RBFOX1: variants seen among roughly 807,000 people sequenced by gnomAD.
The protein encoded by RBFOX1 is RNA binding protein fox-1 homolog 1.
Under a neutral mutation model 57.7 loss-of-function variants are expected in RBFOX1, and 8 were observed. The observed-to-expected ratio is 0.14, with a 90% CI of 0.08 to 0.25. The LOEUF is 0.25. RBFOX1 is among the 10% of genes least tolerant of loss of function. The pLI, the probability that RBFOX1 is intolerant of heterozygous loss-of-function variation, is 1.00. For missense variants in RBFOX1, 611 were observed against 548.5 expected, an observed-to-expected ratio of 1.11 and a Z score of -1.14; for synonymous variants, 326 against 222.4, an observed-to-expected ratio of 1.47 and a Z score of -4.15.
chr16:6,020,775 C>T (rs1232384995), intron 1 of RBFOX1, among the ~76,000 whole-genome samples: 1 of 152,056 alleles, frequency 6.6e-6, no homozygotes, highest in African/African-American at 2.4e-5. Context: ...GGCGCCGCTC[C>T]CATCTCCCCA....
intron 3 of RBFOX1, among the ~76,000 whole-genome samples, chr16:6,865,139 A>G (rs975420419): frequency 6.0e-5 from 9 of 151,022 alleles, no homozygotes; most frequent in African/African-American, 2.0e-4. Flanking sequence ...AGTAGCTGGG[A>G]TTACAGGTGC....
chr16:6,130,597 A>G (rs967699674), intron 1 of RBFOX1, among the ~76,000 whole-genome samples: 9 of 152,138 alleles, frequency 5.9e-5, no homozygotes, highest in Admixed American at 6.5e-5. Context: ...GACTATAATA[A>G]AAAGCAAGAA....
At chr16:5,849,427 T>A (rs1384547214) in intron 3 of RBFOX1, among the ~76,000 whole-genome samples, 1 of 152,084 alleles carries the variant, frequency 6.6e-6, no homozygotes, top group Non-Finnish European at 1.5e-5. Flanking sequence ...CTGATGCATT[T>A]GCTACAATCC....
chr16:5,962,203 A>T (rs548589675), intron 4 of RBFOX1, among the ~76,000 whole-genome samples: 3 of 152,206 alleles, frequency 2.0e-5, no homozygotes, highest in Non-Finnish European at 4.4e-5. Context: ...AAACATAGTC[A>T]CATTCACTCT....
intron 4 of RBFOX1, among the ~76,000 whole-genome samples, chr16:7,459,115 C>T (rs1413389158): frequency 6.6e-6 from 1 of 151,674 alleles, no homozygotes; most frequent in Non-Finnish European, 1.5e-5. Flanking sequence ...ATGGATGTAA[C>T]AGTTGGGTGG....
At chr16:7,068,200 C>T (rs1233810628) in intron 4 of RBFOX1, among the ~76,000 whole-genome samples, 1 of 152,040 alleles carries the variant, frequency 6.6e-6, no homozygotes, top group East Asian at 1.9e-4. Flanking sequence ...TTGCCATGTA[C>T]CATAGCATAC....
intron 1 of RBFOX1, among the ~76,000 whole-genome samples, chr16:6,225,003 G>C (rs964071371): frequency 1.0e-3 from 104 of 101,206 alleles, no homozygotes; most frequent in Middle Eastern, 0.011. Context: ...TGGGCAACAA[G>C]AGCAAAACTC....
At chr16:6,794,171 C>G (rs905492820) in intron 3 of RBFOX1, among the ~76,000 whole-genome samples, 3 of 152,146 alleles carry the variant, frequency 2.0e-5, no homozygotes, top group Middle Eastern at 3.4e-3. Flanking sequence ...TTCTTCCCAT[C>G]ACTACCTGGA....
At chr16:6,538,594 A>G (rs2096767270) in intron 2 of RBFOX1, among the ~76,000 whole-genome samples, 1 of 152,200 alleles carries the variant, frequency 6.6e-6, no homozygotes, top group South Asian at 2.1e-4. Context: ...AAGGTAACAA[A>G]TGTTGTCCAG....
At chr16:7,541,998 A>G (rs1414936585) in intron 5 of RBFOX1, among the ~76,000 whole-genome samples, 1 of 152,228 alleles carries the variant, frequency 6.6e-6, no homozygotes, top group Non-Finnish European at 1.5e-5. Context: ...CTTGGCCGGC[A>G]GCTGAGGTTT....
chr16:6,051,415 C>T (rs943825747), intron 1 of RBFOX1, among the ~76,000 whole-genome samples: 10 of 152,160 alleles, frequency 6.6e-5, no homozygotes, highest in Non-Finnish European at 1.5e-5. Flanking sequence ...GCAACCTCTG[C>T]CTCCTGGGTT....
chr16:6,966,693 G>A (rs1424652804), intron 3 of RBFOX1, among the ~76,000 whole-genome samples: 1 of 152,130 alleles, frequency 6.6e-6, no homozygotes, highest in Non-Finnish European at 1.5e-5. Context: ...GAAGTGAAGC[G>A]AAATTGATCT....
At chr16:6,952,559 G>A (rs570293324) in intron 3 of RBFOX1, among the ~76,000 whole-genome samples, 160 of 151,922 alleles carry the variant, frequency 1.1e-3, no homozygotes, top group Non-Finnish European at 9.7e-4. Flanking sequence ...AATCACTTAG[G>A]CCTGGGAGAT....
At chr16:7,385,133 G>C (rs1311016517) in intron 4 of RBFOX1, among the ~76,000 whole-genome samples, 2 of 152,336 alleles carry the variant, frequency 1.3e-5, no homozygotes, top group African/African-American at 4.8e-5. Flanking sequence ...ATTGGGCAAA[G>C]GCCAGGTCAT....
chr16:7,229,780 A>G (rs141771330), intron 4 of RBFOX1, among the ~76,000 whole-genome samples: 4,503 of 24,788 alleles, frequency 0.18, 508 homozygotes, highest in East Asian at 0.44. Flanking sequence ...GAGAGAGAGG[A>G]AGGAAGGGAG....
intron 3 of RBFOX1, among the ~76,000 whole-genome samples, chr16:5,829,590 C>T (rs1286969180): frequency 2.0e-5 from 3 of 152,220 alleles, no homozygotes; most frequent in South Asian, 2.1e-4. Flanking sequence ...CATCCCCCTC[C>T]ATCCCCTCCT....
intron 14 of RBFOX1, among the ~76,000 whole-genome samples, chr16:7,700,566 A>C (rs927816228): frequency 3.9e-5 from 6 of 152,216 alleles, no homozygotes; most frequent in Non-Finnish European, 8.8e-5. Context: ...GTGATTTCAA[A>C]GCACAATAAA....
At chr16:7,053,551 C>T (rs905332153) in intron 4 of RBFOX1, among the ~76,000 whole-genome samples, 4 of 152,084 alleles carry the variant, frequency 2.6e-5, no homozygotes, top group African/African-American at 9.7e-5. Context: ...CTGATAAATG[C>T]CTGAGAATTA....
At chr16:6,614,410 A>G (rs1306870081) in intron 2 of RBFOX1, among the ~76,000 whole-genome samples, 1 of 152,146 alleles carries the variant, frequency 6.6e-6, no homozygotes, top group African/African-American at 2.4e-5. Flanking sequence ...TAGAAAGAAG[A>G]TGGTTATTAA....
Sources: allele counts gnomAD v4.1 joint callset (sites outside exome capture counted in the v4.1 genomes callset), GRCh38; gene constraint gnomAD v4.1.1; transcripts MANE v1.5; gene names NCBI Gene and HGNC (gene_info 2026-07-23, HGNC 2026-07-21).